The following MET variants were observed in gnomAD, a reference collection of about 807,000 sequenced individuals.
MET encodes the protein hepatocyte growth factor receptor.
In MET, 48 loss-of-function variants were observed where a neutral mutation model predicts 133.1. The ratio of observed to expected loss-of-function variants is 0.36; its 90% confidence interval spans 0.29 to 0.46. The LOEUF is 0.46. Among genes scored for constraint, MET ranks in the 20% least tolerant of loss-of-function variants. MET has a pLI of 1.00. For missense variants in MET, 1,442 were observed against 1,695.9 expected, an observed-to-expected ratio of 0.85 and a Z score of 2.63; for synonymous variants, 628 against 616.5, an observed-to-expected ratio of 1.02 and a Z score of -0.28.
chr7:116,702,340 C>A (rs1220636610), intron 2 of MET, among the ~76,000 whole-genome samples: 1 of 152,120 alleles, frequency 6.6e-6, no homozygotes, highest in Non-Finnish European at 1.5e-5. Flanking sequence ...GCCTGTTTAT[C>A]TTCTCTGGTT....
chr7:116,777,532 T>G (rs1795033515), intron 16 of MET, 63 bp downstream of exon 16: 2 of 1,452,496 alleles, frequency 1.4e-6, no homozygotes. Flanking sequence ...ATAAATAGCT[T>G]ATAATAAAAC....
intron 16 of MET, among the ~76,000 whole-genome samples, 192 bp from the exon 17 acceptor site, chr7:116,778,584 G>T (rs1391603972): frequency 1.3e-5 from 2 of 152,170 alleles, no homozygotes; most frequent in African/African-American, 4.8e-5. Flanking sequence ...GGCATAGGTG[G>T]TGACTGGAAG....
chr7:116,707,909 G>C (rs1791859478), intron 2 of MET, among the ~76,000 whole-genome samples: 1 of 152,118 alleles, frequency 6.6e-6, no homozygotes, highest in Non-Finnish European at 1.5e-5. Flanking sequence ...CCAAGTGCTA[G>C]AAGCCTAACC....
chr7:116,769,054 G>A (rs1422639311), intron 11 of MET, among the ~76,000 whole-genome samples: 1 of 152,032 alleles, frequency 6.6e-6, no homozygotes, highest in Non-Finnish European at 1.5e-5. Context: ...TTATGTATAG[G>A]ACTCAAGTGT....
chr7:116,767,873 A>G (rs1300168011), intron 11 of MET, among the ~76,000 whole-genome samples: 2 of 149,938 alleles, frequency 1.3e-5, no homozygotes, highest in African/African-American at 2.5e-5. Context: ...ACCTTTTAAA[A>G]TTTTTCCTTT....
At chr7:116,680,086 C>T (rs1359849508) in intron 1 of MET, among the ~76,000 whole-genome samples, 3 of 146,000 alleles carry the variant, frequency 2.1e-5, no homozygotes, top group East Asian at 4.0e-4. Context: ...CTTGAGGGGG[C>T]GGGGGGGTAA....
chr7:116,783,555 A>C, intron 19 of MET, 86 bp downstream of exon 19: 1 of 1,423,906 alleles, frequency 7.0e-7, no homozygotes, highest in Non-Finnish European at 9.7e-7. Context: ...TAATTTTTTA[A>C]AAAAATTCAA....
chr7:116,677,120 G>T (rs530753165), intron 1 of MET, among the ~76,000 whole-genome samples: 2 of 151,642 alleles, frequency 1.3e-5, no homozygotes, highest in South Asian at 4.2e-4. Context: ...TCCACACTGT[G>T]AGCCTGTCAC....
intron 12 of MET, 110 bp downstream of exon 12, chr7:116,769,901 C>G (rs1477863411): frequency 1.4e-6 from 2 of 1,462,100 alleles, no homozygotes; most frequent in Non-Finnish European, 1.9e-6. Context: ...GGTTTTGGCT[C>G]ATCAACTCAG....
chr7:116,707,464 C>T (rs1045448822), intron 2 of MET, among the ~76,000 whole-genome samples: 2 of 151,998 alleles, frequency 1.3e-5, no homozygotes, highest in African/African-American at 2.4e-5. Context: ...CCATTCTCTT[C>T]GAAGGCTGAT....
At chr7:116,752,603 C>T (rs1793966580) in intron 5 of MET, among the ~76,000 whole-genome samples, 1 of 152,204 alleles carries the variant, frequency 6.6e-6, no homozygotes, top group Non-Finnish European at 1.5e-5. Flanking sequence ...GGGGAAAATG[C>T]CCAGCCCAGA....
intron 2 of MET, among the ~76,000 whole-genome samples, chr7:116,721,546 T>C (rs1259204167): frequency 6.6e-6 from 1 of 152,222 alleles, no homozygotes; most frequent in East Asian, 1.9e-4. Context: ...GTGTTTGCTC[T>C]TGCTTTTCTA....
chr7:116,696,032 C>A (rs1343509937), intron 1 of MET, among the ~76,000 whole-genome samples: 1 of 151,984 alleles, frequency 6.6e-6, no homozygotes, highest in East Asian at 1.9e-4. Context: ...GTCACCACAC[C>A]CAGCTAATTT....
chr7:116,772,889 T>G (rs541746515), intron 14 of MET, among the ~76,000 whole-genome samples: 2 of 152,338 alleles, frequency 1.3e-5, no homozygotes, highest in Non-Finnish European at 1.5e-5. Context: ...GTCTTTGCCC[T>G]GATTCCATTC....
intron 2 of MET, among the ~76,000 whole-genome samples, chr7:116,728,989 C>T (rs1792894422): frequency 6.6e-6 from 1 of 152,180 alleles, no homozygotes; most frequent in Non-Finnish European, 1.5e-5. Context: ...GAGCTGCCAC[C>T]TCTATAATGG....
intron 1 of MET, among the ~76,000 whole-genome samples, chr7:116,694,529 T>C (rs1440490811): frequency 2.0e-5 from 3 of 152,188 alleles, no homozygotes; most frequent in Non-Finnish European, 4.4e-5. Flanking sequence ...ATTTTCCATT[T>C]CATCAAATGA....
Position 116,783,503 on chromosome 7 carries a change from T to C in MET, c.3798+34T>C, listed in dbSNP as rs200862535. ...TTGGTTATCTCTGAGTTTCTCCTCTTTTACTTTCATATCCAACTTTTTTTG... is the reference window on the plus strand; with the variant it reads ...TTGGTTATCTCTGAGTTTCTCCTCTCTTACTTTCATATCCAACTTTTTTTG... On this transcript the variant is annotated intron_variant, in intron 19 of 20. Transcript: ENST00000397752. 275 of 1,612,394 alleles carry C rather than the reference T, an allele frequency of 1.7e-4. No individual in the cohort carries two copies. The highest frequency in any genetic ancestry group is 2.2e-4 in the Non-Finnish European group (264 of 1,179,116).
chr7:116,713,239 CA>C (rs1792064824), intron 2 of MET, among the ~76,000 whole-genome samples: 1 of 151,966 alleles, frequency 6.6e-6, no homozygotes, highest in African/African-American at 2.4e-5. Flanking sequence ...ACTAAAAATA[CA>C]AAAAATTAGC....
intron 6 of MET, among the ~76,000 whole-genome samples, chr7:116,756,099 G>T (rs1794168535): frequency 6.6e-6 from 1 of 152,282 alleles, no homozygotes; most frequent in East Asian, 1.9e-4. Context: ...TATAAAAGAG[G>T]TACCTGAAGT....
Sources: gnomAD v4.1 joint callset for allele counts (sites outside exome capture counted in the v4.1 genomes callset) on GRCh38, gnomAD v4.1.1 for gene constraint, MANE v1.5 for transcripts, NCBI Gene and HGNC (gene_info 2026-07-23, HGNC 2026-07-21) for gene names.